The following USP10 variants were observed in gnomAD, a reference collection of about 807,000 sequenced individuals.
USP10 encodes the protein ubiquitin specific peptidase 10, also known as ubiquitin carboxyl-terminal hydrolase 10.
A neutral mutation model predicts 84.5 loss-of-function variants in USP10; 22 were observed. The ratio of observed to expected loss-of-function variants is 0.26; its 90% CI spans 0.19 to 0.37. The LOEUF (loss-of-function observed/expected upper bound fraction) is 0.37, where lower values mean the gene tolerates loss of function less well. Ranked by LOEUF, USP10 falls within the 10% of genes least tolerant of loss-of-function variation. The pLI, the probability that USP10 is intolerant of heterozygous loss-of-function variation, is 1.00. For synonymous variants in USP10, 454 were observed against 387.6 expected (o/e 1.17, Z -2.01); for missense variants, 1,019 against 998.9 (o/e 1.02, Z -0.27).
At chr16:84,768,393 A>AG (rs768696341) in intron 11 of USP10, 35 bp downstream of exon 11, 1 of 1,514,922 alleles carries the variant, frequency 6.6e-7, no homozygotes, top group South Asian at 1.3e-5. Flanking sequence ...CTTTCTACTA[A>AG]GGTGCTCTGG....
chr16:84,761,323 A>G (rs1913182268), intron 8 of USP10, among the ~76,000 whole-genome samples: 1 of 152,228 alleles, frequency 6.6e-6, no homozygotes, highest in Non-Finnish European at 1.5e-5. Context: ...GAACAAAAGC[A>G]TCTTCTAAAG....
chr16:84,700,823 A>G (rs1389785905), intron 1 of USP10, among the ~76,000 whole-genome samples: 1 of 152,006 alleles, frequency 6.6e-6, no homozygotes, highest in African/African-American at 2.4e-5. Flanking sequence ...CTTTACAATA[A>G]TCCCGTGGTG....
intron 1 of USP10, among the ~76,000 whole-genome samples, chr16:84,702,524 C>A (rs1363109039): frequency 5.9e-5 from 9 of 152,056 alleles, no homozygotes; most frequent in Admixed American, 5.9e-4. Context: ...GCCTTAATGG[C>A]CATTCATTCA....
chr16:84,767,131 G>T lies in USP10; in HGVS notation c.1833-1062G>T, dbSNP rs530108883. Among the ~76,000 whole-genome samples the T allele has an allele frequency of 2.0e-5, 3 of 152,074 alleles. 1 individual carries two copies. The South Asian group carries it at 6.2e-4, about 32-fold the overall frequency. ...CATGGAGATGCGTAATTAAACCCTG[G>T]ACAGAAAAGCTTTTAGCGAGCTCTT... On this transcript the variant is annotated intron_variant, in intron 10 of 13. Transcript: ENST00000219473.
intron 4 of USP10, among the ~76,000 whole-genome samples, chr16:84,754,843 T>A (rs901791825): frequency 1.3e-5 from 2 of 152,076 alleles, no homozygotes; most frequent in African/African-American, 4.8e-5. Flanking sequence ...CTAACTCAGT[T>A]AAGAACATGA....
At chr16:84,763,986 C>G in intron 9 of USP10, 100 bp from the exon 10 acceptor site, 1 of 1,418,846 alleles carries the variant, frequency 7.0e-7, no homozygotes, top group Non-Finnish European at 9.4e-7. Flanking sequence ...AGACCACACC[C>G]TGATTTCATT....
chr16:84,705,722 T>C (rs901075516), intron 1 of USP10, among the ~76,000 whole-genome samples: 23 of 140,600 alleles, frequency 1.6e-4, no homozygotes, highest in East Asian at 1.0e-3. Context: ...TTGCTTTTTT[T>C]TTTTTTTTTT....
chr16:84,735,344 A>G (rs1909796594), intron 2 of USP10, among the ~76,000 whole-genome samples: 1 of 152,030 alleles, frequency 6.6e-6, no homozygotes, highest in African/African-American at 2.4e-5. Context: ...ACACATGTGG[A>G]TGGGTGGGTA....
intron 4 of USP10, among the ~76,000 whole-genome samples, chr16:84,757,767 A>G (rs763989088): frequency 1.3e-5 from 2 of 152,180 alleles, no homozygotes; most frequent in African/African-American, 4.8e-5. Context: ...GGCCCTGGCT[A>G]TGCTACCTGG....
chr16:84,750,553 C>T (rs953445081), intron 4 of USP10, among the ~76,000 whole-genome samples: 1 of 152,106 alleles, frequency 6.6e-6, no homozygotes, highest in East Asian at 1.9e-4. Context: ...TTGGAGTTGA[C>T]GAACATGTGA....
chr16:84,755,960 G>T (rs1912485970), intron 4 of USP10, among the ~76,000 whole-genome samples: 1 of 152,134 alleles, frequency 6.6e-6, no homozygotes, highest in Non-Finnish European at 1.5e-5. Flanking sequence ...TAGTTGGATA[G>T]CACTGCTGCC....
intron 11 of USP10, 87 bp downstream of exon 11, chr16:84,768,445 G>A: frequency 3.0e-6 from 4 of 1,322,800 alleles, no homozygotes; most frequent in Non-Finnish European, 2.0e-6. Context: ...GGGGAAATGG[G>A]TTTGAGTTAT....
At position 84,760,198 on chromosome 16, in the gene USP10, A is replaced by G. The variant is rs764603684; in HGVS notation, c.1477A>G (p.Ile493Val). Residue 493 changes from isoleucine to valine, a missense_variant, in exon 8 of 14, where the codon ATT becomes GTT. Physicochemically the swap from Ile to Val is conservative, Grantham distance 29 (BLOSUM62 3). Around this residue, in one of 2 missense-constraint regions of USP10, gnomAD observed 787 missense variants for 708.8 expected, o/e 1.11. Transcript: ENST00000219473. ...TCTTGGAGATAAAATCGTGAGGGAT[A>G]TTCGCCCTGGAGCTGCCTTTGAGCC... ...QALGDKIVRD[I>V]RPGAAFEPTY... 14 of 1,610,216 alleles carry G rather than the reference A, an allele frequency of 8.7e-6. No individual in the cohort carries two copies. In the South Asian group the frequency reaches 1.1e-4, roughly 13 times the overall value.
chr16:84,718,751 C>T (rs550521440), intron 1 of USP10, among the ~76,000 whole-genome samples: 7 of 151,368 alleles, frequency 4.6e-5, no homozygotes, highest in African/African-American at 1.7e-4. Context: ...GCAAGACTGT[C>T]TGACAAAAAA....
At chr16:84,724,617 C>G (rs368367922) in intron 1 of USP10, among the ~76,000 whole-genome samples, 9 of 152,174 alleles carry the variant, frequency 5.9e-5, no homozygotes, top group African/African-American at 1.9e-4. Context: ...GGGAACAAAA[C>G]TTCTCTTCCT....
At position 84,772,528 on chromosome 16, in the gene USP10, C is replaced by T. The variant is rs1914565371; in HGVS notation, c.1999-13C>T. The T allele has an allele frequency of 2.5e-6, 4 of 1,613,326 alleles. No individual in the cohort carries two copies. Among genetic ancestry groups the T allele is most frequent in the Non-Finnish European group, 3.4e-6 (4 of 1,179,716 alleles). On this transcript the variant is annotated splice_polypyrimidine_tract_variant and intron_variant, in intron 11 of 13. Transcript: ENST00000219473. ...GACAGGGACGGTGTGTCCTGGTGTGCTTTGTGTCTTAGGTTGAGATAAGTC... is the reference window on the plus strand; with the variant it reads ...GACAGGGACGGTGTGTCCTGGTGTGTTTTGTGTCTTAGGTTGAGATAAGTC...
intron 1 of USP10, among the ~76,000 whole-genome samples, chr16:84,729,784 C>G (rs1426764173): frequency 2.0e-5 from 3 of 152,014 alleles, no homozygotes; most frequent in Admixed American, 6.5e-5. Context: ...CTATGTGAGC[C>G]AGTGTTAAGG....
intron 4 of USP10, among the ~76,000 whole-genome samples, chr16:84,754,862 C>G (rs1029278797): frequency 1.3e-4 from 20 of 152,198 alleles, no homozygotes; most frequent in African/African-American, 4.8e-4. Context: ...GAAAGGAGGC[C>G]AGGCACAGTG....
intron 1 of USP10, among the ~76,000 whole-genome samples, chr16:84,707,138 T>C (rs1434736173): frequency 6.6e-6 from 1 of 152,230 alleles, no homozygotes; most frequent in Non-Finnish European, 1.5e-5. Context: ...GCAGGTGTTT[T>C]GACTTCTAAA....
Sources: gnomAD v4.1 joint callset for allele counts (sites outside exome capture counted in the v4.1 genomes callset) on GRCh38, gnomAD v4.1.1 for gene constraint, gnomAD v4.1.1 regional missense constraint, MANE v1.5 for transcripts, NCBI Gene and HGNC (gene_info 2026-07-23, HGNC 2026-07-21) for gene names.